The following TMPRSS9 variants were observed in gnomAD, a reference collection of about 807,000 sequenced individuals.
TMPRSS9 encodes transmembrane protease serine 9.
Under a neutral mutation model 111.4 loss-of-function variants are expected in TMPRSS9, and 113 were observed. The observed-to-expected ratio is 1.01, with a 90% CI of 0.87 to 1.19. The LOEUF (loss-of-function observed/expected upper bound fraction) is 1.19. Among genes scored for constraint, TMPRSS9 ranks in the 50% most tolerant of loss-of-function variants. The probability of loss-of-function intolerance (pLI) is 0.00; values close to 1 mark genes in which losing one functional copy is unlikely to be tolerated. For synonymous variants in TMPRSS9, 805 were observed against 659.1 expected, an observed-to-expected ratio of 1.22 and a Z score of -3.39; for missense variants, 1,803 against 1,513.1, an observed-to-expected ratio of 1.19 and a Z score of -3.18.
intron 1 of TMPRSS9, among the ~76,000 whole-genome samples, chr19:2,379,633 CTTTCTTTCTTTCTT>C (rs1970368201): frequency 6.8e-6 from 1 of 146,250 alleles, no homozygotes; most frequent in African/African-American, 2.6e-5. Context: ...TTCTTTCTTT[CTTTCTTTCTTTCTT>C]TCTTTCTTTC....
intron 1 of TMPRSS9, among the ~76,000 whole-genome samples, chr19:2,384,521 AT>A (rs746922000): frequency 5.9e-4 from 90 of 151,960 alleles, no homozygotes; most frequent in Non-Finnish European, 9.7e-4. Flanking sequence ...AAGTACAAAG[AT>A]TAGCTGGGTG....
upstream of TMPRSS9, among the ~76,000 whole-genome samples, chr19:2,389,128 C>G (rs1461504118): frequency 6.7e-6 from 1 of 149,662 alleles, no homozygotes. Context: ...GGCTGGAGTG[C>G]AGTGGCGTGA....
At chr19:2,364,860 G>T (rs1395887117) in intron 1 of TMPRSS9, among the ~76,000 whole-genome samples, 2 of 151,766 alleles carry the variant, frequency 1.3e-5, no homozygotes, top group Admixed American at 1.3e-4. Flanking sequence ...GGTGGCGGGC[G>T]CCTGTAATCT....
chr19:2,420,626 T>G (rs557991092), intron 13 of TMPRSS9, among the ~76,000 whole-genome samples: 166 of 152,202 alleles, frequency 1.1e-3, no homozygotes, highest in African/African-American at 3.5e-3. Context: ...CAATCAGACT[T>G]CTGAGTTCAA....
intron 14 of TMPRSS9, among the ~76,000 whole-genome samples, chr19:2,423,876 A>C (rs1367154942): frequency 1.3e-5 from 2 of 152,170 alleles, no homozygotes; most frequent in Non-Finnish European, 2.9e-5. Context: ...AAGTCATAGG[A>C]AACAAATGCA....
At chr19:2,371,697 A>C (rs1970291669) in intron 1 of TMPRSS9, among the ~76,000 whole-genome samples, 1 of 146,860 alleles carries the variant, frequency 6.8e-6, no homozygotes, top group Admixed American at 6.7e-5. Context: ...CTCCGTCTCA[A>C]AAACAACAAA....
intron 1 of TMPRSS9, 142 bp downstream of exon 2, chr19:2,390,069 G>C (rs1970552536): frequency 2.0e-6 from 2 of 1,023,094 alleles, no homozygotes; most frequent in Admixed American, 4.8e-5. Flanking sequence ...CCCTAGGCCA[G>C]GCGGGTGGGC....
exon 1 of TMPRSS9, chr19:2,389,881 C>G (rs201122568): frequency 1.2e-6 from 2 of 1,613,762 alleles, no homozygotes; most frequent in Non-Finnish European, 1.7e-6. Context: ...CCAGCATTGG[C>G]GTGGTGGCCA....
rs112500045 is a variant in TMPRSS9 at position 2,383,074 on chromosome 19, C to T, written c.-25-6687C>T. Reference sequence around the variant, plus strand: ...TCTACCGATTTAAATGTTAATTGGGCTTGGCGCAGTGGCTCACGCCTGTAA... The same window carrying T: ...TCTACCGATTTAAATGTTAATTGGGTTTGGCGCAGTGGCTCACGCCTGTAA... On this transcript the variant is annotated intron_variant, in intron 1 of 17. Transcript: ENST00000649857. 6.9e-3 allele frequency among the ~76,000 whole-genome samples: 1,049 copies of T among 152,272 alleles called. 11 individuals are homozygous for T. Among genetic ancestry groups the T allele is most frequent in the Non-Finnish European group, 0.012 (840 of 68,026 alleles).
chr19:2,386,925 G>A (rs1886967171), upstream of TMPRSS9, among the ~76,000 whole-genome samples: 1 of 152,162 alleles, frequency 6.6e-6, no homozygotes, highest in South Asian at 2.1e-4. Context: ...CTGAGAGGCG[G>A]AGCTTGTAGT....
rs1218037162 is a variant in TMPRSS9, at chr19:2,362,188, G to A, written c.-26+1828G>A. Among the ~76,000 whole-genome samples, 5 of 151,894 alleles carry A rather than the reference G, an allele frequency of 3.3e-5. No individual in the cohort carries two copies. In the East Asian group the frequency reaches 5.8e-4, roughly 18 times the overall value. On this transcript the variant is annotated intron_variant, in intron 1 of 17. Transcript: ENST00000649857. ...TGTGTGGTCATGTGTCATGTCATGCGTGATTGTGTATGGTTGTGTAATTGT... is the reference window on the plus strand; with the variant it reads ...TGTGTGGTCATGTGTCATGTCATGCATGATTGTGTATGGTTGTGTAATTGT...
chr19:2,416,174 G>A (rs187214235), intron 11 of TMPRSS9: 2 of 423,082 alleles, frequency 4.7e-6, no homozygotes, highest in Admixed American at 4.0e-5. Flanking sequence ...AGGAGGTCGA[G>A]GCTGCAGTGA....
At chr19:2,397,237 T>G (rs1388544849) in intron 2 of TMPRSS9, among the ~76,000 whole-genome samples, 1 of 152,040 alleles carries the variant, frequency 6.6e-6, no homozygotes, top group African/African-American at 2.4e-5. Flanking sequence ...ATTTAGAGTT[T>G]TACATTTTAT....
chr19:2,425,241 C>T lies in TMPRSS9; in HGVS notation c.2957C>T (p.Thr986Ile), dbSNP rs1211454376. Reference sequence around the variant, plus strand: ...CCGGACGGCACGCGCTGCGTCATCACCGGCTGGGGCTCGGTGCGCGAAGGA... The same window carrying T: ...CCGGACGGCACGCGCTGCGTCATCATCGGCTGGGGCTCGGTGCGCGAAGGA... The change falls in exon 16 of 18, where the codon ACC (threonine) becomes ATC (isoleucine). Residue 986 changes from threonine (T) to isoleucine (I), a missense_variant. Coordinates refer to ENST00000648592, the Ensembl canonical transcript of TMPRSS9. 7.1e-6 allele frequency: 10 copies of T among 1,412,080 alleles called. No individual in the cohort carries two copies. The highest frequency in any genetic ancestry group is 3.1e-5 in the African/African-American group (2 of 65,148). 87.5% of individuals were successfully genotyped at this position (1,412,080 alleles called of 1,614,324 possible).
chr19:2,404,234 G>A (rs1970920315), intron 6 of TMPRSS9, among the ~76,000 whole-genome samples: 1 of 152,008 alleles, frequency 6.6e-6, no homozygotes, highest in African/African-American at 2.4e-5. Flanking sequence ...CATGCAATAA[G>A]GTAAGGACAG....
chr19:2,388,019 C>T (rs1970512456), upstream of TMPRSS9, among the ~76,000 whole-genome samples: 2 of 152,186 alleles, frequency 1.3e-5, no homozygotes, highest in Non-Finnish European at 2.9e-5. Context: ...CTTTTGAACA[C>T]TAGCCAACAG....
exon 16 of TMPRSS9, chr19:2,425,171 CGCCTGGTGCGTCCCATCT>C: frequency 6.4e-7 from 1 of 1,557,840 alleles, no homozygotes; most frequent in Non-Finnish European, 8.6e-7. Flanking sequence ...GCGTCGCAGC[CGCCTGGTGCGTCCCATCT>C]GCCTGCCCGA....
chr19:2,391,237 CAAA>C (rs10650164), intron 1 of TMPRSS9, among the ~76,000 whole-genome samples: 4 of 53,050 alleles, frequency 7.5e-5, no homozygotes, highest in African/African-American at 2.2e-4. Context: ...AATTCCATCT[CAAA>C]AAAAAAAAAA....
exon 16 of TMPRSS9, chr19:2,425,123 G>C: frequency 6.3e-7 from 1 of 1,582,540 alleles, no homozygotes; most frequent in Non-Finnish European, 8.5e-7. Flanking sequence ...CTACACGCTC[G>C]ACTACGACGT....
Sources: allele counts gnomAD v4.1 joint callset (sites outside exome capture counted in the v4.1 genomes callset), GRCh38; gene constraint gnomAD v4.1.1; transcripts MANE v1.5; gene names NCBI Gene and HGNC (gene_info 2026-07-23, HGNC 2026-07-21).